The following SLC25A12 variants were observed in gnomAD, a reference collection of about 807,000 sequenced individuals.
SLC25A12 encodes the protein solute carrier family 25 member 12.
SLC25A12 carries 32 observed loss-of-function variants against 83.3 expected under a neutral mutation model. The observed-to-expected ratio is 0.38, with a 90% confidence interval of 0.29 to 0.52. The LOEUF is 0.52. SLC25A12 is among the 20% of genes least tolerant of loss of function. The pLI is 0.84. For synonymous variants in SLC25A12, 267 were observed against 291.1 expected (o/e 0.92, Z 0.84); for missense variants, 611 against 835.6 (o/e 0.73, Z 3.31).
Position 171,830,739 on chromosome 2 carries a change from T to C in SLC25A12, c.845+3224A>G, listed in dbSNP as rs1268253393. ...TATGTTGGCCACACTGGCCTCGAAC[T>C]CCTGACCTCATGATCCGCCCACCTT... On this transcript the variant is annotated intron_variant, in intron 8 of 17. Coordinates refer to ENST00000422440, the MANE Select transcript of SLC25A12 (RefSeq NM_003705.5). Among the ~76,000 whole-genome samples the C allele has an allele frequency of 3.3e-5, 5 of 152,178 alleles. No homozygotes were observed. In the East Asian group the frequency reaches 9.6e-4, roughly 29 times the overall value.
intron 4 of SLC25A12, among the ~76,000 whole-genome samples, chr2:171,847,024 T>C (rs1286495157): frequency 1.3e-5 from 2 of 152,206 alleles, no homozygotes; most frequent in Non-Finnish European, 2.9e-5. Flanking sequence ...AGTGTCATTT[T>C]CCATGAGTAT....
At chr2:171,813,863 C>T (rs993384203) in intron 10 of SLC25A12, among the ~76,000 whole-genome samples, 15 of 152,264 alleles carry the variant, frequency 9.9e-5, no homozygotes, top group African/African-American at 3.6e-4. Context: ...CCATTAAATG[C>T]TTAAATATTA....
intron 3 of SLC25A12, among the ~76,000 whole-genome samples, chr2:171,863,790 T>C (rs1558936290): frequency 1.3e-5 from 2 of 152,346 alleles, no homozygotes; most frequent in East Asian, 1.9e-4. Flanking sequence ...ATGATAGGTA[T>C]AATTAATTTT....
chr2:171,851,774 G>A (rs1319222787), intron 4 of SLC25A12, among the ~76,000 whole-genome samples: 1 of 151,876 alleles, frequency 6.6e-6, no homozygotes, highest in Non-Finnish European at 1.5e-5. Flanking sequence ...GGCTCAAGCA[G>A]TCTGCCCACC....
intron 8 of SLC25A12, among the ~76,000 whole-genome samples, chr2:171,833,677 C>G (rs1269222969): frequency 6.6e-6 from 1 of 152,080 alleles, no homozygotes; most frequent in African/African-American, 2.4e-5. Context: ...TCCTATCTCA[C>G]CTCACTCCCG....
intron 9 of SLC25A12, among the ~76,000 whole-genome samples, chr2:171,825,341 A>C (rs1330621761): frequency 1.3e-5 from 2 of 152,188 alleles, no homozygotes; most frequent in Non-Finnish European, 2.9e-5. Flanking sequence ...TGTAAATTCT[A>C]ATTAGTTTCA....
chr2:171,875,476 T>C (rs1032842662), intron 2 of SLC25A12, among the ~76,000 whole-genome samples: 2 of 151,964 alleles, frequency 1.3e-5, no homozygotes, highest in African/African-American at 4.8e-5. Flanking sequence ...ACAGGAACAA[T>C]AGATACTGGG....
intron 2 of SLC25A12, among the ~76,000 whole-genome samples, chr2:171,888,434 AT>A (rs1286688337): frequency 1.3e-5 from 2 of 150,792 alleles, no homozygotes; most frequent in East Asian, 3.9e-4. Context: ...ATATATATAT[AT>A]TTTTTTAATT....
intron 3 of SLC25A12, among the ~76,000 whole-genome samples, chr2:171,859,577 A>G (rs893945599): frequency 2.6e-5 from 4 of 152,234 alleles, no homozygotes; most frequent in African/African-American, 9.6e-5. Flanking sequence ...TAAATGAAAT[A>G]AGGCAGACAC....
chr2:171,821,533 A>G (rs1276798709), intron 9 of SLC25A12, among the ~76,000 whole-genome samples: 2 of 152,224 alleles, frequency 1.3e-5, no homozygotes, highest in Admixed American at 1.3e-4. Context: ...CAATCTGGAT[A>G]GTATAAAATA....
At chr2:171,861,345 T>A (rs954708464) in intron 3 of SLC25A12, among the ~76,000 whole-genome samples, 1 of 152,120 alleles carries the variant, frequency 6.6e-6, no homozygotes, top group Non-Finnish European at 1.5e-5. Context: ...TGCAACAATA[T>A]TTTTCTGAAA....
At chr2:171,857,425 C>T (rs929443153) in intron 3 of SLC25A12, among the ~76,000 whole-genome samples, 2 of 152,038 alleles carry the variant, frequency 1.3e-5, no homozygotes, top group Admixed American at 1.3e-4. Context: ...TAGCTCACGC[C>T]TGTAATGCCA....
At chr2:171,875,725 A>T (rs944897424) in intron 2 of SLC25A12, among the ~76,000 whole-genome samples, 1 of 152,052 alleles carries the variant, frequency 6.6e-6, no homozygotes, top group African/African-American at 2.4e-5. Flanking sequence ...CATCCTGGCT[A>T]ACATGGTGAA....
At chr2:171,806,091 C>A (rs1683820681) in intron 13 of SLC25A12, among the ~76,000 whole-genome samples, 1 of 151,988 alleles carries the variant, frequency 6.6e-6, no homozygotes. Context: ...CCAGCCTGGG[C>A]AACAGACTGA....
chr2:171,865,833 T>C (rs979733029), intron 3 of SLC25A12, among the ~76,000 whole-genome samples: 2 of 152,110 alleles, frequency 1.3e-5, no homozygotes, highest in Admixed American at 6.6e-5. Flanking sequence ...AAAGCTTCAA[T>C]TATTTTTCCA....
In SLC25A12 at chr2:171,893,187, C is replaced by T. The variant is rs1465503341; in HGVS notation, c.66+18G>A. On this transcript the variant is annotated intron_variant, in intron 2 of 17. Transcript: ENST00000422440. ...TTTTGTTTTTGCAATGAAAGGCACA[C>T]TATGCAAGCCAATTTACCTGTAGAA... 6.2e-7 allele frequency: 1 copy of T among 1,612,026 alleles called. No individual in the cohort carries two copies. The highest frequency in any genetic ancestry group is 1.3e-5 in the African/African-American group (1 of 74,998).
rs543680161 is a variant in SLC25A12, at chr2:171,789,479, T to C, written c.1586-1532A>G. The stretch of plus-strand genomic sequence containing the variant: ...TCCTGACCTCGTGATCTGCCCGCCT[T>C]GGCCTCCCAAAGTGCTGGGATTACA... On this transcript the variant is annotated intron_variant, in intron 15 of 17. Transcript: ENST00000422440. Among the ~76,000 whole-genome samples, 86 of 152,182 alleles carry C rather than the reference T, an allele frequency of 5.7e-4. No individual in the cohort carries two copies. In the East Asian group the frequency reaches 5.8e-3, roughly 10 times the overall value.
At chr2:171,787,140 A>G (rs143613101) in intron 17 of SLC25A12, among the ~76,000 whole-genome samples, 50 of 152,316 alleles carry the variant, frequency 3.3e-4, no homozygotes, top group African/African-American at 1.0e-3. Flanking sequence ...CCTGGGCAAC[A>G]CAGTGAGATC....
At chr2:171,810,299 C>T (rs377668472) in intron 11 of SLC25A12, 23 bp from the exon 12 acceptor site, 6 of 1,600,556 alleles carry the variant, frequency 3.7e-6, no homozygotes, top group African/African-American at 2.7e-5. Context: ...ACAGAATCAT[C>T]AGCAATATAG....
Sources: gnomAD v4.1 joint callset for allele counts (sites outside exome capture counted in the v4.1 genomes callset) on GRCh38, gnomAD v4.1.1 for gene constraint, MANE v1.5 for transcripts, NCBI Gene and HGNC (gene_info 2026-07-23, HGNC 2026-07-21) for gene names.